Variants in DYRK1A observed in about 807,000 individuals in gnomAD.
DYRK1A encodes the protein dual specificity tyrosine-phosphorylation-regulated kinase 1A.
In DYRK1A, 9 loss-of-function variants were observed where a neutral mutation model predicts 79.7. The observed-to-expected ratio is 0.11, with a 90% CI of 0.07 to 0.20. The LOEUF (loss-of-function observed/expected upper bound fraction) is 0.20, where lower values mean the gene tolerates loss of function less well. DYRK1A is among the 10% of genes least tolerant of loss of function. The pLI, the probability that DYRK1A is intolerant of heterozygous loss-of-function variation, is 1.00. For synonymous variants in DYRK1A, 349 were observed against 329.7 expected (o/e 1.06, Z -0.63); for missense variants, 622 against 956.0 (o/e 0.65, Z 4.61).
At chr21:37,506,442 T>A (rs2053602604) in intron 11 of DYRK1A, 1 of 1,390,084 alleles carries the variant, frequency 7.2e-7, no homozygotes, top group Non-Finnish European at 9.6e-7. Context: ...GCATAACAGT[T>A]GTTGTTTTGA....
intron 6 of DYRK1A, among the ~76,000 whole-genome samples, chr21:37,489,207 T>G (rs1450599150): frequency 2.0e-5 from 3 of 152,136 alleles, no homozygotes; most frequent in African/African-American, 7.2e-5. Flanking sequence ...AACCTCTCAT[T>G]TTGTAATACT....
At chr21:37,453,286 C>A (rs1315646805) in intron 2 of DYRK1A, among the ~76,000 whole-genome samples, 1 of 152,108 alleles carries the variant, frequency 6.6e-6, no homozygotes, top group Non-Finnish European at 1.5e-5. Context: ...CATCTTAATT[C>A]TTTGTAGCTA....
chr21:37,370,161 C>T (rs557076379), intron 1 of DYRK1A, among the ~76,000 whole-genome samples: 28 of 152,226 alleles, frequency 1.8e-4, no homozygotes, highest in African/African-American at 5.5e-4. Flanking sequence ...AGGGCTATGA[C>T]TATCTGCAAA....
In DYRK1A at chr21:37,512,105, A is replaced by C; in HGVS notation, c.1839A>C (p.Gln613His). ...HHHHHHHHGQ[Q>H]ALGNRTRPRV... is the part of the protein sequence containing the mutation. ...ACCATCACCACCACCATGGACAACA[A>C]GCCTTGGGTAACCGGACCAGGCCAA... is the stretch of plus-strand genomic sequence containing the variant. Residue 613 changes from glutamine (Q) to histidine (H), a missense_variant, in exon 12 of 12, where the codon CAA (glutamine) becomes CAC (histidine). Coordinates refer to ENST00000647188, the MANE Select transcript of DYRK1A (RefSeq NM_001347721.2). 1.9e-6 allele frequency: 3 copies of C among 1,614,144 alleles called. No homozygotes were observed. Among genetic ancestry groups the C allele is most frequent in the Non-Finnish European group, 2.5e-6 (3 of 1,180,026 alleles).
chr21:37,397,000 G>C (rs769514573), intron 1 of DYRK1A, among the ~76,000 whole-genome samples: 16 of 152,116 alleles, frequency 1.1e-4, no homozygotes, highest in Non-Finnish European at 1.8e-4. Flanking sequence ...TCTGCCCTAG[G>C]GTATAGTCCT....
At chr21:37,484,407 C>T (rs1164819155) in intron 5 of DYRK1A, among the ~76,000 whole-genome samples, 2 of 149,392 alleles carry the variant, frequency 1.3e-5, no homozygotes, top group African/African-American at 5.0e-5. Flanking sequence ...TGGCTCATTG[C>T]ACCCTCCGCC....
chr21:37,403,338 T>G (rs1325348045), intron 1 of DYRK1A, among the ~76,000 whole-genome samples: 1 of 152,206 alleles, frequency 6.6e-6, no homozygotes, highest in Non-Finnish European at 1.5e-5. Flanking sequence ...TTAAAATCTT[T>G]GCTGCTAAAT....
chr21:37,474,167 C>T (rs2052320401), intron 3 of DYRK1A, among the ~76,000 whole-genome samples: 1 of 152,168 alleles, frequency 6.6e-6, no homozygotes, highest in Admixed American at 6.5e-5. Context: ...AGATACAGTG[C>T]TCTTTCAGGT....
At chr21:37,500,841 T>C (rs1033542573) in intron 9 of DYRK1A, among the ~76,000 whole-genome samples, 4 of 151,978 alleles carry the variant, frequency 2.6e-5, no homozygotes, top group African/African-American at 9.6e-5. Context: ...CCATTTGTAC[T>C]TTCTGTTTTT....
rs2053888695 is a variant in DYRK1A, at chr21:37,517,086, A to C, written c.*4555A>C. 1 of 152,196 alleles carries C rather than the reference A, an allele frequency of 6.6e-6. No individual in the cohort carries two copies. Among genetic ancestry groups the C allele is most frequent in the Non-Finnish European group, 1.5e-5 (1 of 68,046 alleles). 9.4% of individuals were successfully genotyped at this position (152,196 alleles called of 1,614,324 possible). A position where few individuals can be genotyped will look rare whatever the true frequency, so the allele number is the denominator to read the frequency against. Reference sequence around the variant, plus strand: ...TGAATCCTTCTTCAAAGCATAGAGGAGGCAGAGACAAGTCTTAAACCGGCT... The same window carrying C: ...TGAATCCTTCTTCAAAGCATAGAGGCGGCAGAGACAAGTCTTAAACCGGCT... On this transcript the variant is annotated 3_prime_UTR_variant, in exon 12 of 12. Transcript: ENST00000647188.
intron 6 of DYRK1A, chr21:37,488,145 G>A (rs1283282402): frequency 6.3e-6 from 1 of 157,580 alleles, no homozygotes; most frequent in Non-Finnish European, 1.4e-5. Context: ...TATAATGCTA[G>A]TATTTTGTTT....
intron 1 of DYRK1A, among the ~76,000 whole-genome samples, chr21:37,404,387 C>G (rs1175402116): frequency 6.6e-6 from 1 of 152,176 alleles, no homozygotes; most frequent in Non-Finnish European, 1.5e-5. Context: ...CATTGTCTAT[C>G]ATTTTGGTTC....
At chr21:37,369,565 C>T (rs995644554) in intron 1 of DYRK1A, among the ~76,000 whole-genome samples, 1 of 152,222 alleles carries the variant, frequency 6.6e-6, no homozygotes, top group African/African-American at 2.4e-5. Context: ...ACACCTAGTT[C>T]TCTTGTTAAG....
intron 2 of DYRK1A, among the ~76,000 whole-genome samples, chr21:37,465,979 G>A (rs1356054271): frequency 3.1e-4 from 47 of 152,238 alleles, no homozygotes; most frequent in Admixed American, 3.1e-3. Context: ...ACCTCCGCAA[G>A]ACAGTGCTGA....
intron 1 of DYRK1A, among the ~76,000 whole-genome samples, chr21:37,383,540 T>C (rs1287587632): frequency 6.6e-6 from 1 of 152,264 alleles, no homozygotes; most frequent in Non-Finnish European, 1.5e-5. Context: ...GGGTCAGGTT[T>C]ACCTGCATGT....
At chr21:37,437,370 G>A (rs1264913762) in intron 2 of DYRK1A, among the ~76,000 whole-genome samples, 2 of 152,178 alleles carry the variant, frequency 1.3e-5, no homozygotes, top group African/African-American at 4.8e-5. Flanking sequence ...AACGAGATAT[G>A]TTGTAGGAGA....
At position 37,434,372 on chromosome 21, in the gene DYRK1A, A is replaced by T. The variant is rs146929524; in HGVS notation, c.10+13988A>T. On this transcript the variant is annotated intron_variant, in intron 2 of 11. Coordinates refer to ENST00000647188, the MANE Select transcript of DYRK1A (RefSeq NM_001347721.2). ...TTGATCTATTTTAAAATAAAATTGTATCTTTTATAAGGCACAAATGGGAAC... is the reference window on the plus strand; with the variant it reads ...TTGATCTATTTTAAAATAAAATTGTTTCTTTTATAAGGCACAAATGGGAAC... Among the ~76,000 whole-genome samples the T allele has an allele frequency of 2.8e-3, 426 of 152,310 alleles. 1 individual carries two copies. The highest frequency in any genetic ancestry group is 9.8e-3 in the African/African-American group (409 of 41,570).
intron 2 of DYRK1A, among the ~76,000 whole-genome samples, chr21:37,438,805 G>A (rs2148471166): frequency 6.6e-6 from 1 of 152,130 alleles, no homozygotes; most frequent in East Asian, 1.9e-4. Flanking sequence ...ACTACTCTAG[G>A]TCTTTTGCAT....
chr21:37,419,829 T>C (rs13049514), intron 1 of DYRK1A: 20,663 of 152,190 alleles, frequency 0.14, 1,530 homozygotes, highest in Middle Eastern at 0.17. Flanking sequence ...GTGAGAAATG[T>C]CTCAGAACTT....
Sources: gnomAD v4.1 joint callset for allele counts (sites outside exome capture counted in the v4.1 genomes callset) on GRCh38, gnomAD v4.1.1 for gene constraint, MANE v1.5 for transcripts, NCBI Gene and HGNC (gene_info 2026-07-23, HGNC 2026-07-21) for gene names.